The following AGR2 variants were observed in gnomAD, a reference collection of about 807,000 sequenced individuals.
The protein encoded by AGR2 is anterior gradient protein 2 homolog.
In AGR2, 27 loss-of-function variants were observed where a neutral mutation model predicts 25.9. That is an observed-to-expected ratio of 1.04 (90% confidence interval 0.77 to 1.44). AGR2 has a LOEUF of 1.44. Ranked by LOEUF, AGR2 falls within the 40% of genes most tolerant of loss-of-function variation. AGR2 has a pLI of 0.00. For synonymous variants in AGR2, 78 were observed against 72.0 expected (o/e 1.08, Z -0.42); for missense variants, 182 against 200.9 (o/e 0.91, Z 0.57).
rs562072899 is a variant in AGR2, at chr7:16,795,124, G to A, written c.395-105C>T. ...GTTCATGTATTCATGTCCTGTGAGGGAATGGAGTGTGTCTGCACTCACAGG... is the reference window on the plus strand; with the variant it reads ...GTTCATGTATTCATGTCCTGTGAGGAAATGGAGTGTGTCTGCACTCACAGG... On this transcript the variant is annotated intron_variant, in intron 6 of 7. Coordinates refer to ENST00000419304, the MANE Select transcript of AGR2 (RefSeq NM_006408.4). The A allele has an allele frequency of 4.9e-6, 6 of 1,235,274 alleles. No homozygotes were observed. The East Asian group carries it at 1.5e-4, about 31-fold the overall frequency. 76.5% of individuals were successfully genotyped at this position (1,235,274 alleles called of 1,614,324 possible).
Position 16,792,874 on chromosome 7 carries a change from C to A in AGR2, c.*34G>T, listed in dbSNP as rs1209805292. ...TTCTTCTGGTTTCAAGTCTCAAGGC[C>A]TGACAGACAGAAGGGCTTGGAGATT... On this transcript the variant is annotated 3_prime_UTR_variant, in exon 8 of 8. Transcript: ENST00000419304. 1.3e-6 allele frequency: 2 copies of A among 1,595,188 alleles called. No homozygotes were observed. Among genetic ancestry groups the A allele is most frequent in the Non-Finnish European group, 8.6e-7 (1 of 1,162,992 alleles).
intron 1 of AGR2, 65 bp from the exon 2 acceptor site, chr7:16,801,868 G>T: frequency 2.7e-6 from 4 of 1,473,298 alleles, no homozygotes; most frequent in Non-Finnish European, 3.7e-6. Flanking sequence ...GGGTCTGCAG[G>T]TTGCCCCACA....
intron 6 of AGR2, among the ~76,000 whole-genome samples, chr7:16,796,198 G>C (rs541768937): frequency 6.6e-6 from 1 of 152,130 alleles, no homozygotes; most frequent in African/African-American, 2.4e-5. Context: ...TGGCTACTAC[G>C]GAGCTAGAAG....
chr7:16,797,801 C>T (rs1785075299), intron 5 of AGR2, 107 bp from the exon 6 acceptor site: 4 of 797,852 alleles, frequency 5.0e-6, no homozygotes, highest in Middle Eastern at 2.9e-4. Context: ...CTCAAGATAT[C>T]ATAACTCTTC....
At chr7:16,794,851 C>A in intron 7 of AGR2, 85 bp downstream of exon 7, 2 of 1,598,004 alleles carry the variant, frequency 1.3e-6, no homozygotes, top group Non-Finnish European at 1.7e-6. Context: ...TCTCTCTCAC[C>A]TCACCATGCA....
intron 1 of AGR2, among the ~76,000 whole-genome samples, chr7:16,802,592 C>T (rs1785167189): frequency 6.6e-6 from 1 of 152,144 alleles, no homozygotes; most frequent in Non-Finnish European, 1.5e-5. Flanking sequence ...ACAGTTTCTA[C>T]TGAATGTGTA....
intron 2 of AGR2, 28 bp from the exon 3 acceptor site, chr7:16,801,411 A>T: frequency 1.2e-6 from 2 of 1,600,834 alleles, no homozygotes; most frequent in Non-Finnish European, 1.7e-6. Flanking sequence ...AGTATATTTG[A>T]AGCTTGTATA....
At position 16,799,929 on chromosome 7, in the gene AGR2, A is replaced by G. The variant is rs935272696; in HGVS notation, c.257-112T>C. 5.5e-6 allele frequency: 4 copies of G among 728,456 alleles called. No homozygotes were observed. The Admixed American group carries it at 8.1e-5, about 15-fold the overall frequency. 45.1% of individuals were successfully genotyped at this position (728,456 alleles called of 1,614,324 possible). ...ACTTATTGAATTGCATTTTAAATAC[A>G]GTATTCTACTTTGGCCTTTTAGCAA... On this transcript the variant is annotated intron_variant, in intron 4 of 7. Transcript: ENST00000419304.
chr7:16,797,772 T>G, intron 5 of AGR2, 78 bp from the exon 6 acceptor site: 1 of 1,214,384 alleles, frequency 8.2e-7, no homozygotes, highest in Non-Finnish European at 1.2e-6. Flanking sequence ...CAAGAATCTG[T>G]CCATTTCCGG....
chr7:16,801,037 A>G, intron 4 of AGR2, 114 bp downstream of exon 4: 1 of 724,500 alleles, frequency 1.4e-6, no homozygotes, highest in East Asian at 2.7e-5. Flanking sequence ...TACTATATAA[A>G]ATATTCTTTC....
intron 5 of AGR2, 168 bp downstream of exon 5, chr7:16,799,576 G>A (rs1194952850): frequency 1.8e-6 from 1 of 549,010 alleles, no homozygotes; most frequent in Non-Finnish European, 3.2e-6. Flanking sequence ...CACACCAAAT[G>A]GATTATTAAT....
chr7:16,801,032 T>C (rs1329314877), intron 4 of AGR2, 119 bp downstream of exon 4: 1 of 682,812 alleles, frequency 1.5e-6, no homozygotes, highest in Non-Finnish European at 2.4e-6. Context: ...GTTTTTACTA[T>C]ATAAAATATT....
intron 6 of AGR2, among the ~76,000 whole-genome samples, chr7:16,796,016 T>TA (rs1312729784): frequency 6.6e-6 from 1 of 152,238 alleles, no homozygotes; most frequent in African/African-American, 2.4e-5. Flanking sequence ...AAGGGCTTTT[T>TA]AAATACCCAA....
chr7:16,803,372 A>C (rs952498597), intron 1 of AGR2, among the ~76,000 whole-genome samples: 4 of 152,186 alleles, frequency 2.6e-5, no homozygotes, highest in Non-Finnish European at 4.4e-5. Context: ...AAAAGGAAAT[A>C]TGAAACCCCG....
Position 16,795,002 on chromosome 7 carries a change from T to C in AGR2, c.412A>G (p.Arg138Gly), listed in dbSNP as rs1785020474. 6.2e-7 allele frequency: 1 copy of C among 1,614,136 alleles called. No homozygotes were observed. The highest frequency in any genetic ancestry group is 2.2e-5 in the East Asian group (1 of 44,890). Residue 138 changes from arginine to glycine, a missense_variant, in exon 7 of 8, where the codon AGA becomes GGA. Physicochemically the swap from Arg to Gly is moderately radical, Grantham distance 125. Coordinates refer to ENST00000419304, the MANE Select transcript of AGR2 (RefSeq NM_006408.4). Reference sequence around the variant, plus strand: ...GAATATCTTCCAGTGATATCGGCTCTAACTGTCAGAGATGGGTCTGCAAAG... The same window carrying C: ...GAATATCTTCCAGTGATATCGGCTCCAACTGTCAGAGATGGGTCTGCAAAG... The part of the protein sequence containing the change: ...IMFVDPSLTV[R>G]ADITGRYSNR...
intron 6 of AGR2, among the ~76,000 whole-genome samples, chr7:16,796,778 G>A (rs571321600): frequency 6.6e-5 from 10 of 152,320 alleles, no homozygotes; most frequent in African/African-American, 2.2e-4. Flanking sequence ...ACATAGTAGG[G>A]ATTTGACTCG....
intron 4 of AGR2, 35 bp from the exon 5 acceptor site, chr7:16,799,852 T>A (rs1391797329): frequency 1.4e-6 from 2 of 1,386,360 alleles, no homozygotes; most frequent in Non-Finnish European, 2.0e-6. Context: ...AGCATCCATC[T>A]TAGCATTGGT....
chr7:16,804,036 A>G (rs1333951881), intron 1 of AGR2, among the ~76,000 whole-genome samples: 4 of 152,194 alleles, frequency 2.6e-5, no homozygotes, highest in Non-Finnish European at 2.9e-5. Flanking sequence ...TCCAAAGATC[A>G]CAGGTTGGAA....
rs143313501 is a variant in AGR2 at position 16,797,380 on chromosome 7, A to G, written c.394+251T>C. On this transcript the variant is annotated intron_variant, in intron 6 of 7. Coordinates refer to ENST00000419304, the MANE Select transcript of AGR2 (RefSeq NM_006408.4). The stretch of plus-strand genomic sequence containing the variant: ...ATAGTGAATAGGGTGCTTTGTTCTC[A>G]GAAGTATTATAGCAGAAGATGAAAA... Among the ~76,000 whole-genome samples the G allele has an allele frequency of 5.1e-3, 778 of 152,352 alleles. 5 individuals carry two copies. The highest frequency in any genetic ancestry group is 0.018 in the African/African-American group (742 of 41,582).
Sources: gnomAD v4.1 joint callset for allele counts (sites outside exome capture counted in the v4.1 genomes callset) on GRCh38, gnomAD v4.1.1 for gene constraint, MANE v1.5 for transcripts, NCBI Gene and HGNC (gene_info 2026-07-23, HGNC 2026-07-21) for gene names.